The following LARP1 variants were observed in gnomAD, a reference collection of about 807,000 sequenced individuals.
The protein encoded by LARP1 is la-related protein 1.
In LARP1, 36 loss-of-function variants were observed where a neutral mutation model predicts 122.7. That is an observed-to-expected ratio of 0.29 (90% confidence interval 0.22 to 0.39). The LOEUF (loss-of-function observed/expected upper bound fraction) is 0.39, where lower values mean the gene tolerates loss of function less well. LARP1 is among the 10% of genes least tolerant of loss of function. The pLI is 1.00. For missense variants in LARP1, 1,040 were observed against 1,403.6 expected (o/e 0.74, Z 4.14); for synonymous variants, 539 against 528.7 (o/e 1.02, Z -0.27).
chr5:154,748,066 T>C (rs2113497286), intron 1 of LARP1, among the ~76,000 whole-genome samples: 1 of 152,336 alleles, frequency 6.6e-6, no homozygotes, highest in East Asian at 1.9e-4. Flanking sequence ...GCCACGCTTG[T>C]CCTGAACTCC....
intron 1 of LARP1, among the ~76,000 whole-genome samples, chr5:154,768,358 A>G (rs1261051469): frequency 1.3e-5 from 2 of 152,212 alleles, no homozygotes; most frequent in Non-Finnish European, 1.5e-5. Flanking sequence ...AACAAGACAC[A>G]TTGCGGCCAT....
intron 1 of LARP1, among the ~76,000 whole-genome samples, chr5:154,765,119 G>A (rs150477181): frequency 8.3e-4 from 127 of 152,106 alleles, no homozygotes; most frequent in African/African-American, 2.6e-3. Context: ...CTCTAAGACC[G>A]CACTTGATCT....
chr5:154,723,770 A>G (rs1378830126), intron 1 of LARP1, among the ~76,000 whole-genome samples: 1 of 152,096 alleles, frequency 6.6e-6, no homozygotes, highest in Non-Finnish European at 1.5e-5. Flanking sequence ...CAGAATTGAA[A>G]CCCAGGTCTG....
At chr5:154,763,889 C>G (rs922119384) in intron 1 of LARP1, among the ~76,000 whole-genome samples, 2 of 151,904 alleles carry the variant, frequency 1.3e-5, no homozygotes, top group African/African-American at 2.4e-5. Flanking sequence ...TGGTGCGTGC[C>G]TGTAATCCCA....
intron 8 of LARP1, among the ~76,000 whole-genome samples, chr5:154,798,301 A>G (rs1275527818): frequency 6.6e-6 from 1 of 152,206 alleles, no homozygotes; most frequent in Admixed American, 6.5e-5. Flanking sequence ...ATTTAAGAAA[A>G]AAGCAAATGC....
chr5:154,701,184 C>T (rs898947940), intron 1 of LARP1, among the ~76,000 whole-genome samples: 2 of 152,064 alleles, frequency 1.3e-5, no homozygotes, highest in African/African-American at 4.8e-5. Context: ...GCAAGTGCCT[C>T]ACTTGCCTTA....
intron 1 of LARP1, among the ~76,000 whole-genome samples, chr5:154,775,676 C>T (rs939744077): frequency 3.3e-5 from 5 of 152,298 alleles, no homozygotes; most frequent in Non-Finnish European, 5.9e-5. Context: ...GGTGAACTAA[C>T]GGGCTCAAGA....
chr5:154,712,358 G>A (rs527749224), upstream of LARP1, among the ~76,000 whole-genome samples: 5 of 152,164 alleles, frequency 3.3e-5, no homozygotes, highest in East Asian at 1.9e-4. Context: ...CAACAGAACC[G>A]TATGGGAAGT....
At chr5:154,791,279 T>G (rs1206619172) in intron 3 of LARP1, among the ~76,000 whole-genome samples, 1 of 151,672 alleles carries the variant, frequency 6.6e-6, no homozygotes, top group East Asian at 1.9e-4. Flanking sequence ...AATGGTGTAA[T>G]CTCAGCTTAC....
upstream of LARP1, among the ~76,000 whole-genome samples, chr5:154,751,615 C>T (rs1422300500): frequency 1.3e-5 from 2 of 152,086 alleles, no homozygotes; most frequent in Non-Finnish European, 2.9e-5. Flanking sequence ...GTTTTGCTTC[C>T]TGATGTTTCA....
intron 1 of LARP1, among the ~76,000 whole-genome samples, chr5:154,721,320 C>T (rs1251845827): frequency 2.0e-5 from 3 of 147,824 alleles, no homozygotes; most frequent in Non-Finnish European, 4.4e-5. Context: ...ACACTCCAGC[C>T]TGGGCAACAG....
At chr5:154,699,558 G>A (rs1389127409) in intron 1 of LARP1, among the ~76,000 whole-genome samples, 8 of 152,144 alleles carry the variant, frequency 5.3e-5, no homozygotes, top group African/African-American at 1.2e-4. Flanking sequence ...TTCCTGAAAC[G>A]GGACTACTGG....
upstream of LARP1, among the ~76,000 whole-genome samples, chr5:154,711,172 C>T (rs960829007): frequency 6.8e-6 from 1 of 148,070 alleles, no homozygotes; most frequent in Non-Finnish European, 1.5e-5. Flanking sequence ...GATGGAGTCT[C>T]ACTCTGTCGC....
At chr5:154,778,643 C>T (rs1465220237) in intron 1 of LARP1, among the ~76,000 whole-genome samples, 1 of 152,236 alleles carries the variant, frequency 6.6e-6, no homozygotes, top group African/African-American at 2.4e-5. Flanking sequence ...CCCACCCCTA[C>T]CACAGGCCTC....
chr5:154,741,938 C>A lies in LARP1; in HGVS notation c.205+28808C>A, dbSNP rs17116407. On this transcript the variant is annotated intron_variant, in intron 1 of 18. Transcript: ENST00000336314. Reference sequence around the variant, plus strand: ...CAAAATGAGCCCAGCCCAGCTTTTCCTTGTCTTTATCTGGAGTCTCTGTGT... The same window carrying A: ...CAAAATGAGCCCAGCCCAGCTTTTCATTGTCTTTATCTGGAGTCTCTGTGT... 2.6e-5 allele frequency among the ~76,000 whole-genome samples: 4 copies of A among 152,294 alleles called. No individual in the cohort carries two copies. The South Asian group carries it at 6.2e-4, about 24-fold the overall frequency.
At chr5:154,713,121 A>G in exon 1 of LARP1, 1 of 1,613,502 alleles carries the variant, frequency 6.2e-7, no homozygotes, top group South Asian at 1.1e-5. Context: ...GGCCCCCTTC[A>G]GCAACCCTGG....
upstream of LARP1, among the ~76,000 whole-genome samples, chr5:154,709,460 C>T (rs920384042): frequency 2.0e-5 from 3 of 152,166 alleles, no homozygotes; most frequent in South Asian, 2.1e-4. Flanking sequence ...ATGTGAATCA[C>T]GTGTTGCAAT....
At chr5:154,688,141 G>A (rs1182887825) in intron 1 of LARP1, among the ~76,000 whole-genome samples, 1 of 152,130 alleles carries the variant, frequency 6.6e-6, no homozygotes, top group Non-Finnish European at 1.5e-5. Flanking sequence ...GCAGCCTGTT[G>A]TGACAGACAC....
At chr5:154,721,346 CAAAAAAAAAAAA>C (rs70981943) in intron 1 of LARP1, among the ~76,000 whole-genome samples, 5 of 126,930 alleles carry the variant, frequency 3.9e-5, no homozygotes, top group Non-Finnish European at 6.7e-5. Flanking sequence ...GACTCCGTCT[CAAAAAAAAAAAA>C]AAAAAAAAAA....
Sources: gnomAD v4.1 joint callset for allele counts (sites outside exome capture counted in the v4.1 genomes callset) on GRCh38, gnomAD v4.1.1 for gene constraint, MANE v1.5 for transcripts, NCBI Gene and HGNC (gene_info 2026-07-23, HGNC 2026-07-21) for gene names.